The following ABAT variants were observed in gnomAD, a reference collection of about 807,000 sequenced individuals.
ABAT encodes 4-aminobutyrate aminotransferase.
A neutral mutation model predicts 64.6 loss-of-function variants in ABAT; 45 were observed. The observed-to-expected ratio is 0.70, with a 90% CI of 0.55 to 0.89. ABAT has a LOEUF of 0.89. Among genes scored for constraint, ABAT ranks in the 40% least tolerant of loss-of-function variants. The probability of loss-of-function intolerance (pLI) is 0.00; values close to 1 mark genes in which losing one functional copy is unlikely to be tolerated. For synonymous variants in ABAT, 297 were observed against 250.5 expected, an observed-to-expected ratio of 1.19 and a Z score of -1.75; for missense variants, 633 against 658.4, an observed-to-expected ratio of 0.96 and a Z score of 0.42.
intron 1 of ABAT, among the ~76,000 whole-genome samples, chr16:8,716,652 C>G (rs1032797445): frequency 8.5e-5 from 13 of 152,182 alleles, no homozygotes; most frequent in African/African-American, 3.1e-4. Flanking sequence ...TGCACTGGGT[C>G]CCACACATCA....
rs1185380605 is a variant in ABAT, at chr16:8,674,694, C to G, written c.-59C>G. 6.6e-6 allele frequency: 1 copy of G among 152,294 alleles called. No individual in the cohort carries two copies. Among genetic ancestry groups the G allele is most frequent in the Non-Finnish European group, 1.5e-5 (1 of 68,096 alleles). 9.4% of individuals were successfully genotyped at this position (152,294 alleles called of 1,614,324 possible). A position where few individuals can be genotyped will look rare whatever the true frequency, so the allele number is the denominator to read the frequency against. Reference sequence around the variant, plus strand: ...ACCCGGCGGATCGGATCCCGCAGATCGGAGACGGGGCCTGGAGGTGAGCGC... The same window carrying G: ...ACCCGGCGGATCGGATCCCGCAGATGGGAGACGGGGCCTGGAGGTGAGCGC... On this transcript the variant is annotated 5_prime_UTR_variant, in exon 1 of 16. It adds an upstream start codon to the 5' untranslated region. Coordinates refer to ENST00000268251, the MANE Select transcript of ABAT (RefSeq NM_020686.6).
chr16:8,698,487 C>T (rs1596404055), intron 1 of ABAT, among the ~76,000 whole-genome samples: 1 of 152,162 alleles, frequency 6.6e-6, no homozygotes, highest in East Asian at 1.9e-4. Flanking sequence ...GCACCTGCCG[C>T]CACACCCAGC....
intron 1 of ABAT, among the ~76,000 whole-genome samples, chr16:8,677,884 C>T (rs1201471764): frequency 2.0e-5 from 3 of 152,058 alleles, no homozygotes; most frequent in Non-Finnish European, 4.4e-5. Context: ...AAAACCCCAT[C>T]TCTGTAAAAT....
chr16:8,768,115 C>G, intron 9 of ABAT, 78 bp from the exon 10 acceptor site: 2 of 1,466,518 alleles, frequency 1.4e-6, no homozygotes, highest in South Asian at 1.1e-5. Flanking sequence ...TTCTGTGTCC[C>G]TCTGGACTTG....
rs538717616 is a variant in ABAT at position 8,776,622 on chromosome 16, T to C, written c.1269+132T>C. 188 of 992,216 alleles carry C rather than the reference T, an allele frequency of 1.9e-4. No homozygotes were observed. The Middle Eastern group carries it at 2.4e-3, about 13-fold the overall frequency. 61.5% of individuals were successfully genotyped at this position (992,216 alleles called of 1,614,324 possible). On this transcript the variant is annotated intron_variant, in intron 14 of 15. Transcript: ENST00000268251. This position sits in a 1 kb window ranked among gnomAD's most constrained non-coding sequence, Gnocchi z 4.4. Reference sequence around the variant, plus strand: ...AGTTCGTAACGGGCTGTGCTGCTCCTAGCCTTGGGGGCTTTGCACATGCTG... The same window carrying C: ...AGTTCGTAACGGGCTGTGCTGCTCCCAGCCTTGGGGGCTTTGCACATGCTG...
chr16:8,751,912 C>G (rs778272922), intron 5 of ABAT, among the ~76,000 whole-genome samples: 13 of 152,224 alleles, frequency 8.5e-5, no homozygotes, highest in Non-Finnish European at 1.6e-4. Flanking sequence ...CTATTTGCAG[C>G]TTGGATGGTT....
intron 1 of ABAT, among the ~76,000 whole-genome samples, chr16:8,733,682 G>A (rs543036350): frequency 1.3e-5 from 2 of 151,854 alleles, no homozygotes; most frequent in South Asian, 2.1e-4. Flanking sequence ...CCAGTCAGGC[G>A]TGGCGGCGTG....
At chr16:8,743,470 AAT>A (rs1218467412) in intron 2 of ABAT, among the ~76,000 whole-genome samples, 2 of 112,240 alleles carry the variant, frequency 1.8e-5, no homozygotes, top group East Asian at 4.7e-4. Flanking sequence ...TATATTATAT[AAT>A]ATATATTTTA....
chr16:8,765,990 C>T, intron 8 of ABAT: 1 of 521,106 alleles, frequency 1.9e-6, no homozygotes, highest in Non-Finnish European at 3.6e-6. Flanking sequence ...TTAATCGTTG[C>T]TGATGGTGCT....
At chr16:8,677,527 G>A (rs1453005470) in intron 1 of ABAT, among the ~76,000 whole-genome samples, 1 of 152,198 alleles carries the variant, frequency 6.6e-6, no homozygotes, top group Non-Finnish European at 1.5e-5. Context: ...AAAAGAGACA[G>A]GTCTAGATGA....
chr16:8,746,915 C>T (rs1375073943), intron 3 of ABAT, among the ~76,000 whole-genome samples: 1 of 152,142 alleles, frequency 6.6e-6, no homozygotes, highest in Non-Finnish European at 1.5e-5. Flanking sequence ...CACCTCCATG[C>T]CTGGGGGACA....
Position 8,735,766 on chromosome 16 carries a change from C to T in ABAT, c.27C>T (p.Arg9=). The part of the protein sequence containing the change: MASMLLAQ[R]LACSFQHSYR... ...TGGCCTCCATGTTGCTCGCCCAGCG[C>T]CTGGCCTGCAGCTTCCAGCACAGCT... is the stretch of plus-strand genomic sequence containing the variant. Residue 9 remains arginine (R), a synonymous_variant, in exon 2 of 16, where the codon CGC becomes CGT. Transcript: ENST00000268251. The T allele has an allele frequency of 4.4e-6, 7 of 1,607,868 alleles. No homozygotes were observed. The highest frequency in any genetic ancestry group is 5.9e-6 in the Non-Finnish European group (7 of 1,177,440).
chr16:8,703,656 C>G (rs1410895837), intron 1 of ABAT, among the ~76,000 whole-genome samples: 1 of 152,168 alleles, frequency 6.6e-6, no homozygotes, highest in East Asian at 1.9e-4. Context: ...CCTCTTGGGT[C>G]TGTGTCCGTT....
At chr16:8,686,401 A>T (rs565047174) in intron 1 of ABAT, among the ~76,000 whole-genome samples, 2 of 152,316 alleles carry the variant, frequency 1.3e-5, no homozygotes, top group South Asian at 4.1e-4. Flanking sequence ...TCCAGGAGGG[A>T]TTCAGAGGCA....
At chr16:8,738,309 TTAAAA>T (rs1183485552) in intron 2 of ABAT, 1 of 421,932 alleles carries the variant, frequency 2.4e-6, no homozygotes, top group Non-Finnish European at 4.7e-6. Flanking sequence ...TGGCCTTGTC[TTAAAA>T]TAATAATAAT....
Position 8,698,304 on chromosome 16 carries a change from G to A in ABAT, c.-42+23593G>A, listed in dbSNP as rs146178754. 1.3e-4 allele frequency among the ~76,000 whole-genome samples: 20 copies of A among 151,898 alleles called. No individual in the cohort carries two copies. In the East Asian group the frequency reaches 3.3e-3, roughly 25 times the overall value. ...TTGTTTATCTGCTCATATGCTCATGGACCCTTGGGTTTGTTTCCCCCTTCT... is the reference window on the plus strand; with the variant it reads ...TTGTTTATCTGCTCATATGCTCATGAACCCTTGGGTTTGTTTCCCCCTTCT... On this transcript the variant is annotated intron_variant, in intron 1 of 15. Transcript: ENST00000268251.
rs564651788 is a variant in ABAT, at chr16:8,754,493, G to A, written c.317-3264G>A. On this transcript the variant is annotated intron_variant, in intron 5 of 15. Coordinates refer to ENST00000268251, the MANE Select transcript of ABAT (RefSeq NM_020686.6). ...ATCCATGCTACTGCAGCGATTGCAT[G>A]TTCAAATTCAGCAGGAGTTAGTGTG... Among the ~76,000 whole-genome samples the A allele has an allele frequency of 2.8e-4, 42 of 152,274 alleles. No individual in the cohort carries two copies. In the Middle Eastern group the frequency reaches 0.014, roughly 49 times the overall value.
chr16:8,777,329 C>T (rs1476287887), intron 14 of ABAT, among the ~76,000 whole-genome samples: 5 of 152,238 alleles, frequency 3.3e-5, no homozygotes, highest in East Asian at 1.9e-4. Flanking sequence ...ACTTACCACT[C>T]GGCAGCACTG....
intron 11 of ABAT, among the ~76,000 whole-genome samples, chr16:8,769,841 AT>A (rs1257456742): frequency 6.6e-6 from 1 of 152,208 alleles, no homozygotes; most frequent in Non-Finnish European, 1.5e-5. Flanking sequence ...CTGGAAAAAA[AT>A]ATCACTGTTT....
Sources: gnomAD v4.1 joint callset for allele counts (sites outside exome capture counted in the v4.1 genomes callset) on GRCh38, gnomAD v4.1.1 for gene constraint, Gnocchi (gnomAD v3.1) non-coding constraint, MANE v1.5 for transcripts, NCBI Gene and HGNC (gene_info 2026-07-23, HGNC 2026-07-21) for gene names.